Variants in RAB38 observed in about 807,000 individuals in gnomAD.
The protein encoded by RAB38 is RAB38, member RAS oncogene family.
In RAB38, 15 loss-of-function variants were observed where a neutral mutation model predicts 18.4. The ratio of observed to expected loss-of-function variants is 0.82; its 90% confidence interval spans 0.55 to 1.26. The LOEUF (loss-of-function observed/expected upper bound fraction) is 1.26. Ranked by LOEUF, RAB38 falls within the 50% of genes most tolerant of loss-of-function variation. The probability of loss-of-function intolerance (pLI) is 0.00; values close to 1 mark genes in which losing one functional copy is unlikely to be tolerated. For synonymous variants in RAB38, 101 were observed against 104.4 expected (o/e 0.97, Z 0.20); for missense variants, 294 against 267.4 (o/e 1.10, Z -0.69).
At chr11:88,029,430 C>T in the RAB38 span, among the ~76,000 whole-genome samples, 1 of 152,004 alleles carries the variant, frequency 6.6e-6, no homozygotes, top group Non-Finnish European at 1.5e-5. Flanking sequence ...AAGACACAGA[C>T]TGGCAAATTG....
the RAB38 span, among the ~76,000 whole-genome samples, chr11:87,878,519 G>A: frequency 1.3e-5 from 2 of 151,438 alleles, no homozygotes; most frequent in South Asian, 2.1e-4. Flanking sequence ...TAAAGAGGGA[G>A]TGTTCTATGG....
chr11:88,087,766 A>G, the RAB38 span, among the ~76,000 whole-genome samples: 1 of 152,004 alleles, frequency 6.6e-6, no homozygotes, highest in South Asian at 2.1e-4. Context: ...TGCTAATGGG[A>G]GCGTCTTATG....
At chr11:87,956,597 G>A in the RAB38 span, among the ~76,000 whole-genome samples, 1 of 152,136 alleles carries the variant, frequency 6.6e-6, no homozygotes, top group Non-Finnish European at 1.5e-5. Context: ...CTGGGGTCTG[G>A]GAACTAATTA....
At chr11:88,022,216 A>G in the RAB38 span, among the ~76,000 whole-genome samples, 1 of 152,142 alleles carries the variant, frequency 6.6e-6, no homozygotes, top group Admixed American at 6.5e-5. Context: ...GTGATAGATC[A>G]TATCAACAGA....
chr11:88,148,796 C>T (rs1211487205), intron 2 of RAB38, among the ~76,000 whole-genome samples: 1 of 152,098 alleles, frequency 6.6e-6, no homozygotes, highest in Non-Finnish European at 1.5e-5. Flanking sequence ...GATATAAAAC[C>T]ATGTGAAATG....
chr11:87,896,114 C>G, the RAB38 span, among the ~76,000 whole-genome samples: 4 of 151,700 alleles, frequency 2.6e-5, no homozygotes, highest in Non-Finnish European at 1.5e-5. Flanking sequence ...AGAGTGAACT[C>G]TACTCATTAG....
At chr11:88,056,483 T>C in the RAB38 span, among the ~76,000 whole-genome samples, 2 of 152,086 alleles carry the variant, frequency 1.3e-5, no homozygotes, top group African/African-American at 4.8e-5. Flanking sequence ...GGGAGTTTTT[T>C]CATTCAAAAC....
chr11:87,977,837 ATG>A, the RAB38 span, among the ~76,000 whole-genome samples: 529 of 112,776 alleles, frequency 4.7e-3, 5 homozygotes, highest in African/African-American at 0.018. Flanking sequence ...CTATATAATC[ATG>A]TATATTAATG....
the RAB38 span, among the ~76,000 whole-genome samples, chr11:87,928,466 TA>T: frequency 6.6e-6 from 1 of 152,078 alleles, no homozygotes; most frequent in Non-Finnish European, 1.5e-5. Context: ...ATGATTTTCA[TA>T]ACTATTAAAG....
chr11:87,829,265 A>G, the RAB38 span, among the ~76,000 whole-genome samples: 1 of 152,166 alleles, frequency 6.6e-6, no homozygotes, highest in Non-Finnish European at 1.5e-5. Flanking sequence ...GATTAATCGT[A>G]CTCCAAACCT....
At chr11:87,820,037 T>C in the RAB38 span, among the ~76,000 whole-genome samples, 1 of 152,164 alleles carries the variant, frequency 6.6e-6, no homozygotes, top group Non-Finnish European at 1.5e-5. Context: ...CTGGATAAGA[T>C]ATTAAAAATA....
the RAB38 span, among the ~76,000 whole-genome samples, chr11:87,849,611 C>T: frequency 6.6e-6 from 1 of 152,122 alleles, no homozygotes; most frequent in African/African-American, 2.4e-5. Context: ...CTAGATATCT[C>T]ACCCCTCCTT....
intron 1 of RAB38, among the ~76,000 whole-genome samples, chr11:88,174,758 TC>T: frequency 6.6e-6 from 1 of 152,106 alleles, no homozygotes; most frequent in Non-Finnish European, 1.5e-5. Flanking sequence ...CCTGGAACTA[TC>T]CCGGTTTCCT....
downstream of RAB38, among the ~76,000 whole-genome samples, chr11:88,109,294 G>C (rs1302197380): frequency 1.3e-5 from 2 of 152,114 alleles, no homozygotes; most frequent in African/African-American, 2.4e-5. Flanking sequence ...TTAATAAATG[G>C]TGTTAGGAAA....
chr11:87,958,586 G>T, the RAB38 span, among the ~76,000 whole-genome samples: 1 of 152,110 alleles, frequency 6.6e-6, no homozygotes, highest in African/African-American at 2.4e-5. Flanking sequence ...AGTGTCTTTT[G>T]TGAGGGAAGG....
At chr11:87,881,794 G>T in the RAB38 span, among the ~76,000 whole-genome samples, 4 of 151,678 alleles carry the variant, frequency 2.6e-5, no homozygotes, top group Non-Finnish European at 5.9e-5. Context: ...CCAAAAGTTA[G>T]AGCCATATTC....
the RAB38 span, among the ~76,000 whole-genome samples, chr11:87,841,372 TGAA>T: frequency 1.3e-5 from 2 of 152,172 alleles, no homozygotes; most frequent in South Asian, 2.1e-4. Flanking sequence ...TGCTGACATG[TGAA>T]GAAGGACATG....
At chr11:87,823,283 G>A in the RAB38 span, among the ~76,000 whole-genome samples, 3 of 151,906 alleles carry the variant, frequency 2.0e-5, no homozygotes, top group South Asian at 6.2e-4. Flanking sequence ...ATTAAATGGA[G>A]GGATATACCA....
chr11:88,144,260 G>A (rs965923273), intron 2 of RAB38, among the ~76,000 whole-genome samples: 4 of 152,182 alleles, frequency 2.6e-5, no homozygotes, highest in African/African-American at 9.7e-5. Flanking sequence ...TAAATGTGCT[G>A]TGACAAATTA....
Sources: gnomAD v4.1 joint callset for allele counts (sites outside exome capture counted in the v4.1 genomes callset) on GRCh38, gnomAD v4.1.1 for gene constraint, MANE v1.5 for transcripts, NCBI Gene and HGNC (gene_info 2026-07-23, HGNC 2026-07-21) for gene names.